The following UBE4B variants were observed in gnomAD, a reference collection of about 807,000 sequenced individuals.
UBE4B encodes the protein ubiquitin conjugation factor E4 B.
Under a neutral mutation model 148.1 loss-of-function variants are expected in UBE4B, and 27 were observed. The observed-to-expected ratio is 0.18, with a 90% CI of 0.13 to 0.25. The LOEUF (loss-of-function observed/expected upper bound fraction) is 0.25. Ranked by LOEUF, UBE4B falls within the 10% of genes least tolerant of loss-of-function variation. UBE4B has a pLI of 1.00. For missense variants in UBE4B, 1,170 were observed against 1,662.4 expected, an observed-to-expected ratio of 0.70 and a Z score of 5.15; for synonymous variants, 596 against 619.3, an observed-to-expected ratio of 0.96 and a Z score of 0.56.
At chr1:10,130,924 C>G in intron 14 of UBE4B, 111 bp downstream of exon 14, 1 of 878,890 alleles carries the variant, frequency 1.1e-6, no homozygotes, top group Non-Finnish European at 1.8e-6. Context: ...TAACAAAAGC[C>G]AATTCGATCT....
chr1:10,036,011 T>C (rs1643515240), intron 1 of UBE4B, among the ~76,000 whole-genome samples: 2 of 151,888 alleles, frequency 1.3e-5, no homozygotes, highest in Admixed American at 6.6e-5. Context: ...TCCAAAGTGC[T>C]GGGATTACAG....
chr1:10,163,250 A>G (rs569704717), intron 23 of UBE4B: 59 of 152,268 alleles, frequency 3.9e-4, no homozygotes, highest in African/African-American at 1.3e-3. Flanking sequence ...AATTTTTTTT[A>G]TAGAGACAAA....
At chr1:10,133,042 C>G (rs576772642) in intron 15 of UBE4B, among the ~76,000 whole-genome samples, 12 of 151,962 alleles carry the variant, frequency 7.9e-5, no homozygotes, top group Admixed American at 5.9e-4. Flanking sequence ...GCTATGTAGA[C>G]GGACCAAAAC....
chr1:10,124,923 C>T (rs1004832986), intron 10 of UBE4B, among the ~76,000 whole-genome samples: 1 of 152,046 alleles, frequency 6.6e-6, no homozygotes, highest in African/African-American at 2.4e-5. Flanking sequence ...CTCAGGAGTT[C>T]GAGACCAGGC....
chr1:10,155,064 G>GGAGAGAGAGA (rs112077178), intron 21 of UBE4B, among the ~76,000 whole-genome samples: 2,276 of 148,832 alleles, frequency 0.015, 24 homozygotes, highest in Non-Finnish European at 0.024. Flanking sequence ...TGTGGCTTCA[G>GGAGAGAGAGA]GAGAGAGAGA....
intron 23 of UBE4B, among the ~76,000 whole-genome samples, chr1:10,167,314 C>G (rs1338202179): frequency 6.6e-6 from 1 of 151,328 alleles, no homozygotes; most frequent in Non-Finnish European, 1.5e-5. Context: ...TGACACATGC[C>G]TGTAGTCCCA....
At chr1:10,126,749 G>T in intron 10 of UBE4B, 45 bp from the exon 11 acceptor site, 1 of 1,516,116 alleles carries the variant, frequency 6.6e-7, no homozygotes, top group South Asian at 1.1e-5. Flanking sequence ...CCCACTCTTA[G>T]ATTCTCTTAA....
chr1:10,110,651 A>G (rs1385237532), intron 7 of UBE4B, among the ~76,000 whole-genome samples: 1 of 152,222 alleles, frequency 6.6e-6, no homozygotes, highest in Non-Finnish European at 1.5e-5. Flanking sequence ...ACTAGAAAGA[A>G]ATTTGGTGGT....
At chr1:10,065,691 TCTGA>T (rs1644374223) in intron 1 of UBE4B, among the ~76,000 whole-genome samples, 1 of 152,152 alleles carries the variant, frequency 6.6e-6, no homozygotes, top group South Asian at 2.1e-4. Context: ...TACACTTTCA[TCTGA>T]ATGTTTTCCC....
At chr1:10,115,144 T>C (rs1201642507) in intron 7 of UBE4B, among the ~76,000 whole-genome samples, 2 of 151,574 alleles carry the variant, frequency 1.3e-5, no homozygotes, top group Non-Finnish European at 2.9e-5. Flanking sequence ...TCCTTCTTAC[T>C]GAAATACTTT....
At chr1:10,046,243 G>T (rs1643909972) in intron 1 of UBE4B, among the ~76,000 whole-genome samples, 2 of 152,152 alleles carry the variant, frequency 1.3e-5, no homozygotes, top group African/African-American at 4.8e-5. Context: ...TTTTTCTTGG[G>T]CAGCCATGTG....
In UBE4B at chr1:10,161,391, C is replaced by T; in HGVS notation, c.3198+105C>T. 7.7e-7 allele frequency: 1 copy of T among 1,301,506 alleles called. No homozygotes were observed. The highest frequency in any genetic ancestry group is 1.5e-5 in the African/African-American group (1 of 67,206). The allele number at this position is 1,301,506 out of a possible 1,614,324, so 80.6% of individuals were successfully genotyped here. A position where few individuals can be genotyped will look rare whatever the true frequency, so the allele number is the denominator to read the frequency against. On this transcript the variant is annotated intron_variant, in intron 23 of 27. Transcript: ENST00000343090. This position sits in a 1 kb window ranked among gnomAD's most constrained non-coding sequence, Gnocchi z 4.1. The stretch of plus-strand genomic sequence containing the variant: ...ATTTGTGGGTCTGATGATATGCGAT[C>T]TGACATGCTGGGATTTTCCTTCCAT...
Position 10,171,337 on chromosome 1 carries a change from A to T in UBE4B, c.3525+8A>T. 6.2e-7 allele frequency: 1 copy of T among 1,612,264 alleles called. No individual in the cohort carries two copies. Among genetic ancestry groups the T allele is most frequent in the South Asian group, 1.1e-5 (1 of 90,782 alleles). Reference sequence around the variant, plus strand: ...GCCATTGCTGACGACCAGGTCAGTGAGTTGAGTTGGTCTCTCTGTGAGTTT... The same window carrying T: ...GCCATTGCTGACGACCAGGTCAGTGTGTTGAGTTGGTCTCTCTGTGAGTTT... On this transcript the variant is annotated splice_region_variant and intron_variant, in intron 25 of 27. Coordinates refer to ENST00000343090, the MANE Select transcript of UBE4B (RefSeq NM_001105562.3).
intron 2 of UBE4B, among the ~76,000 whole-genome samples, chr1:10,082,800 C>T (rs1203551189): frequency 6.6e-6 from 1 of 151,812 alleles, no homozygotes; most frequent in Non-Finnish European, 1.5e-5. Context: ...AATGCTCTCC[C>T]TCCCCTTGAC....
At chr1:10,050,219 G>A (rs1037572801) in intron 1 of UBE4B, among the ~76,000 whole-genome samples, 4 of 152,146 alleles carry the variant, frequency 2.6e-5, no homozygotes, top group African/African-American at 7.2e-5. Flanking sequence ...TTACAGGCAT[G>A]CACCACCACA....
chr1:10,052,218 C>T (rs1167328977), intron 1 of UBE4B, among the ~76,000 whole-genome samples: 1 of 151,886 alleles, frequency 6.6e-6, no homozygotes, highest in Non-Finnish European at 1.5e-5. Context: ...AGGTGCATGC[C>T]ACCATACCTG....
At chr1:10,158,611 A>G in intron 22 of UBE4B, 129 bp downstream of exon 22, 2 of 1,193,130 alleles carry the variant, frequency 1.7e-6, no homozygotes, top group East Asian at 2.4e-5. Context: ...TGAGTTTACC[A>G]CAAGATGCCA....
intron 2 of UBE4B, among the ~76,000 whole-genome samples, chr1:10,087,118 T>C (rs1039665205): frequency 2.0e-5 from 3 of 152,362 alleles, no homozygotes; most frequent in African/African-American, 7.2e-5. Flanking sequence ...GGTGTATCTA[T>C]AGAACTTGTA....
chr1:10,144,910 T>A, intron 17 of UBE4B, 30 bp from the exon 18 acceptor site: 1 of 1,561,860 alleles, frequency 6.4e-7, no homozygotes, highest in East Asian at 2.3e-5. Context: ...GGCTGTTTTC[T>A]TTCATTTGAC....
Sources: gnomAD v4.1 joint callset for allele counts (sites outside exome capture counted in the v4.1 genomes callset) on GRCh38, gnomAD v4.1.1 for gene constraint, Gnocchi (gnomAD v3.1) non-coding constraint, MANE v1.5 for transcripts, NCBI Gene and HGNC (gene_info 2026-07-23, HGNC 2026-07-21) for gene names.